The following HSPA4 variants were observed in gnomAD, a reference collection of about 807,000 sequenced individuals.
HSPA4 encodes the protein heat shock protein family A (Hsp70) member 4, also known as heat shock 70 kDa protein 4.
Under a neutral mutation model 106.2 loss-of-function variants are expected in HSPA4, and 25 were observed. The observed-to-expected ratio is 0.24, with a 90% CI of 0.17 to 0.33. The LOEUF is 0.33. Ranked by LOEUF, HSPA4 falls within the 10% of genes least tolerant of loss-of-function variation. The pLI is 1.00. For synonymous variants in HSPA4, 332 were observed against 333.6 expected, an observed-to-expected ratio of 1.00 and a Z score of 0.05; for missense variants, 841 against 996.0, an observed-to-expected ratio of 0.84 and a Z score of 2.10.
At chr5:133,070,826 C>T (rs1765371700) in intron 4 of HSPA4, among the ~76,000 whole-genome samples, 1 of 152,036 alleles carries the variant, frequency 6.6e-6, no homozygotes, top group Non-Finnish European at 1.5e-5. Context: ...CACTTCAACC[C>T]GGGAGGCTGA....
At chr5:133,068,334 A>G (rs1390485605) in intron 3 of HSPA4, among the ~76,000 whole-genome samples, 2 of 152,112 alleles carry the variant, frequency 1.3e-5, no homozygotes, top group African/African-American at 4.8e-5. Flanking sequence ...TGAAGTATGC[A>G]GTGAACTGAT....
intron 1 of HSPA4, among the ~76,000 whole-genome samples, chr5:133,063,099 T>A (rs1311859431): frequency 4.1e-5 from 6 of 144,858 alleles, no homozygotes; most frequent in Admixed American, 6.9e-5. Flanking sequence ...TTATTTACTA[T>A]CTTTTTTTTT....
intron 15 of HSPA4, among the ~76,000 whole-genome samples, chr5:133,097,531 G>A (rs1156947525): frequency 1.4e-5 from 2 of 148,022 alleles, no homozygotes; most frequent in East Asian, 3.9e-4. Flanking sequence ...TATTTATCTT[G>A]TATCTTTCTT....
intron 15 of HSPA4, among the ~76,000 whole-genome samples, chr5:133,097,890 T>C (rs1247724055): frequency 6.6e-6 from 1 of 151,970 alleles, no homozygotes; most frequent in Non-Finnish European, 1.5e-5. Context: ...TTTTCCTGTT[T>C]ATTGTAACTC....
At chr5:133,073,190 G>A (rs1184373911) in intron 4 of HSPA4, 40 bp from the exon 5 acceptor site, 2 of 1,252,658 alleles carry the variant, frequency 1.6e-6, no homozygotes, top group East Asian at 4.7e-5. Context: ...ACTAAAATTA[G>A]AATCTATAAT....
intron 15 of HSPA4, among the ~76,000 whole-genome samples, chr5:133,098,078 C>T (rs1017194727): frequency 6.6e-6 from 1 of 152,062 alleles, no homozygotes; most frequent in African/African-American, 2.4e-5. Context: ...CTTCTGTCCT[C>T]CCGCTTTTGA....
At chr5:133,054,821 C>T (rs1765138584) in intron 1 of HSPA4, among the ~76,000 whole-genome samples, 1 of 151,992 alleles carries the variant, frequency 6.6e-6, no homozygotes, top group Non-Finnish European at 1.5e-5. Flanking sequence ...AAATGTCTCC[C>T]CTAAGGAACT....
intron 3 of HSPA4, among the ~76,000 whole-genome samples, chr5:133,068,350 A>C (rs1765337669): frequency 6.6e-6 from 1 of 152,050 alleles, no homozygotes; most frequent in Non-Finnish European, 1.5e-5. Flanking sequence ...CTGATCACAG[A>C]AAAAGGGTAA....
chr5:133,096,004 TA>T (rs1224662516), intron 13 of HSPA4, 93 bp from the exon 14 acceptor site: 11 of 1,080,854 alleles, frequency 1.0e-5, no homozygotes, highest in Admixed American at 2.9e-5. Flanking sequence ...GAGAACGAAG[TA>T]AAAAAAGCAA....
chr5:133,058,707 A>G (rs1261266794), intron 1 of HSPA4, among the ~76,000 whole-genome samples: 1 of 150,882 alleles, frequency 6.6e-6, no homozygotes, highest in Non-Finnish European at 1.5e-5. Context: ...CCAAAACAAA[A>G]TAGGGCCGGG....
intron 2 of HSPA4, among the ~76,000 whole-genome samples, chr5:133,065,860 CTG>C (rs762333092): frequency 6.6e-6 from 1 of 152,156 alleles, no homozygotes; most frequent in East Asian, 1.9e-4. Flanking sequence ...TCTGAGATAT[CTG>C]TAAAATTAAG....
At chr5:133,102,827 C>G (rs899697938) in intron 17 of HSPA4, among the ~76,000 whole-genome samples, 1 of 151,574 alleles carries the variant, frequency 6.6e-6, no homozygotes, top group African/African-American at 2.4e-5. Context: ...GCCTCAATCT[C>G]TCTGACTCAA....
chr5:133,067,242 C>T (rs1381669350), intron 2 of HSPA4, among the ~76,000 whole-genome samples, 175 bp from the exon 3 acceptor site: 1 of 152,156 alleles, frequency 6.6e-6, no homozygotes. Context: ...CAAATCCCTC[C>T]TCCCTCACTT....
intron 9 of HSPA4, 102 bp downstream of exon 9, chr5:133,088,657 A>C (rs982885091): frequency 1.0e-6 from 1 of 958,294 alleles, no homozygotes; most frequent in Non-Finnish European, 1.6e-6. Flanking sequence ...GGGTGACTTC[A>C]GGGTGTTGAG....
chr5:133,054,339 A>G (rs1052121287), intron 1 of HSPA4, among the ~76,000 whole-genome samples: 7 of 151,952 alleles, frequency 4.6e-5, no homozygotes, highest in African/African-American at 7.3e-5. Context: ...AGTAGCTGGG[A>G]TTACAGGTGT....
intron 8 of HSPA4, 35 bp downstream of exon 8, chr5:133,086,893 C>T: frequency 7.0e-7 from 1 of 1,431,500 alleles, no homozygotes; most frequent in Non-Finnish European, 9.8e-7. Context: ...GTTTGCGTAT[C>T]TCAGACTGTT....
At chr5:133,065,643 G>A (rs1031653621) in intron 2 of HSPA4, among the ~76,000 whole-genome samples, 2 of 152,210 alleles carry the variant, frequency 1.3e-5, no homozygotes, top group African/African-American at 2.4e-5. Context: ...TGCTCCTTAA[G>A]TCTGTCTTGT....
chr5:133,090,299 C>T (rs550573367), intron 11 of HSPA4, among the ~76,000 whole-genome samples: 10 of 151,824 alleles, frequency 6.6e-5, no homozygotes, highest in South Asian at 2.1e-4. Context: ...GGTGTGGTGG[C>T]GGGCGCCTGT....
In HSPA4 at chr5:133,086,756, TTTTTG is replaced by T. The variant is rs200608379; in HGVS notation, c.909-11_909-7del. 0.018 allele frequency: 27,264 copies of T among 1,546,144 alleles called. 347 individuals are homozygous for T. Among genetic ancestry groups the T allele is most frequent in the Middle Eastern group, 0.039 (229 of 5,940 alleles). Reference sequence around the variant, plus strand: ...TGGCATGTGATTTAATGTACTGTGTTTTTTGTTTTGTTTTGTTTTTTATAGAGGCA... The same window carrying T: ...TGGCATGTGATTTAATGTACTGTGTTTTTTGTTTTGTTTTTTATAGAGGCA... On this transcript the variant is annotated intron_variant, in intron 7 of 18. Transcript: ENST00000304858.
Sources: allele counts gnomAD v4.1 joint callset (sites outside exome capture counted in the v4.1 genomes callset), GRCh38; gene constraint gnomAD v4.1.1; transcripts MANE v1.5; gene names NCBI Gene and HGNC (gene_info 2026-07-23, HGNC 2026-07-21).